Variants in ADAM12 observed in about 807,000 individuals in gnomAD.
ADAM12 encodes the protein disintegrin and metalloproteinase domain-containing protein 12.
A neutral mutation model predicts 106.4 loss-of-function variants in ADAM12; 70 were observed. The ratio of observed to expected loss-of-function variants is 0.66; its 90% CI spans 0.54 to 0.80. The LOEUF (loss-of-function observed/expected upper bound fraction) is 0.80. Among genes scored for constraint, ADAM12 ranks in the 30% least tolerant of loss-of-function variants. The pLI is 0.00. For synonymous variants in ADAM12, 420 were observed against 433.5 expected (o/e 0.97, Z 0.39); for missense variants, 1,010 against 1,171.9 (o/e 0.86, Z 2.02).
intron 1 of ADAM12, among the ~76,000 whole-genome samples, chr10:126,356,668 T>C (rs1313299839): frequency 6.6e-6 from 1 of 152,180 alleles, no homozygotes; most frequent in Non-Finnish European, 1.5e-5. Context: ...TATAAAGTGA[T>C]AAAGAATTCA....
intron 18 of ADAM12, 25 bp from the exon 19 acceptor site, chr10:126,039,454 C>T: frequency 6.2e-7 from 1 of 1,613,396 alleles, no homozygotes; most frequent in African/African-American, 1.3e-5. Flanking sequence ...ATGGGGCTCA[C>T]AGAAGGAGGC....
intron 5 of ADAM12, among the ~76,000 whole-genome samples, chr10:126,118,700 C>T (rs1956032499): frequency 6.6e-6 from 1 of 152,172 alleles, no homozygotes; most frequent in African/African-American, 2.4e-5. Flanking sequence ...GATTTTAGTG[C>T]ACCTGTCATC....
At chr10:126,079,879 G>A (rs7095672) in intron 11 of ADAM12, among the ~76,000 whole-genome samples, 17,330 of 152,204 alleles carry the variant, frequency 0.11, 1,207 homozygotes, top group African/African-American at 0.18. Flanking sequence ...CAGTGCGATC[G>A]TTGATAAGAC....
intron 11 of ADAM12, 102 bp from the exon 12 acceptor site, chr10:126,071,756 G>T: frequency 1.6e-6 from 2 of 1,237,390 alleles, no homozygotes; most frequent in Non-Finnish European, 2.3e-6. Flanking sequence ...CATCTGCCCA[G>T]GTGTTCACTG....
intron 3 of ADAM12, among the ~76,000 whole-genome samples, chr10:126,256,893 G>A (rs901308242): frequency 7.1e-5 from 10 of 140,962 alleles, no homozygotes; most frequent in Non-Finnish European, 1.4e-4. Flanking sequence ...TACTGTTCCT[G>A]CACCTTTGGA....
chr10:126,291,889 T>G (rs1274240898), intron 2 of ADAM12, among the ~76,000 whole-genome samples: 1 of 152,146 alleles, frequency 6.6e-6, no homozygotes, highest in South Asian at 2.1e-4. Flanking sequence ...GCAACCTTTA[T>G]GGGTATAACT....
At chr10:126,140,956 T>TAGTGGCCAGC (rs1003949759) in intron 4 of ADAM12, among the ~76,000 whole-genome samples, 2 of 152,218 alleles carry the variant, frequency 1.3e-5, no homozygotes, top group Admixed American at 1.3e-4. Flanking sequence ...ACATCACCGC[T>TAGTGGCCAGC]AGTGGCCAGC....
intron 3 of ADAM12, among the ~76,000 whole-genome samples, chr10:126,246,999 A>G (rs961392891): frequency 6.6e-6 from 1 of 152,254 alleles, no homozygotes; most frequent in African/African-American, 2.4e-5. Context: ...CCATAGTTTC[A>G]GCCCAAAAGT....
chr10:126,068,140 GA>G (rs1482836541), intron 12 of ADAM12, among the ~76,000 whole-genome samples: 1 of 152,140 alleles, frequency 6.6e-6, no homozygotes, highest in Non-Finnish European at 1.5e-5. Flanking sequence ...TAACTTTTAT[GA>G]CAGTAAGGGT....
rs115990635 is a variant in ADAM12 at position 126,204,375 on chromosome 10, G to T, written c.261-49070C>A. Among the ~76,000 whole-genome samples, 1,048 of 152,320 alleles carry T rather than the reference G, an allele frequency of 6.9e-3. 15 individuals are homozygous for T. The highest frequency in any genetic ancestry group is 0.024 in the African/African-American group (1,014 of 41,562). ...GAGAAAGCCCAGAGAATTGCAGAAAGGCTGGCCCAGGATGCAGGTGCTGTC... is the reference window on the plus strand; with the variant it reads ...GAGAAAGCCCAGAGAATTGCAGAAATGCTGGCCCAGGATGCAGGTGCTGTC... On this transcript the variant is annotated intron_variant, in intron 3 of 22. Transcript: ENST00000448723.
intron 5 of ADAM12, among the ~76,000 whole-genome samples, chr10:126,131,298 G>A (rs1324781104): frequency 6.6e-6 from 1 of 151,964 alleles, no homozygotes; most frequent in Non-Finnish European, 1.5e-5. Flanking sequence ...TTTCACAGAT[G>A]AGCCAGTGGC....
At chr10:126,367,396 T>C (rs1431440913) in intron 1 of ADAM12, among the ~76,000 whole-genome samples, 2 of 151,846 alleles carry the variant, frequency 1.3e-5, no homozygotes, top group South Asian at 4.1e-4. Flanking sequence ...CTATACAAAT[T>C]TGTAATATTC....
chr10:126,168,023 C>A (rs552278567), intron 3 of ADAM12, among the ~76,000 whole-genome samples: 2 of 152,308 alleles, frequency 1.3e-5, no homozygotes, highest in Admixed American at 6.5e-5. Flanking sequence ...GGAAAGCATA[C>A]CTTTCTCCCT....
chr10:126,336,926 C>T (rs1014054206), intron 1 of ADAM12, among the ~76,000 whole-genome samples: 8 of 152,210 alleles, frequency 5.3e-5, no homozygotes, highest in African/African-American at 1.9e-4. Context: ...GCATTCCTTG[C>T]TATTCAGATC....
intron 22 of ADAM12, 93 bp from the exon 23 acceptor site, chr10:126,017,432 G>T: frequency 8.1e-7 from 1 of 1,242,082 alleles, no homozygotes; most frequent in Non-Finnish European, 1.1e-6. Context: ...TATTCTGATA[G>T]TCTGAAGGGT....
At chr10:126,169,234 C>T (rs200128676) in intron 3 of ADAM12, among the ~76,000 whole-genome samples, 1 of 152,192 alleles carries the variant, frequency 6.6e-6, no homozygotes, top group East Asian at 1.9e-4. Context: ...CTCTTAGTAA[C>T]CCCCATCCAA....
rs74158229 is a variant in ADAM12 at position 126,341,385 on chromosome 10, C to T, written c.89-10876G>A. Among the ~76,000 whole-genome samples, 962 of 152,288 alleles carry T rather than the reference C, an allele frequency of 6.3e-3. 15 individuals are homozygous for T. The highest frequency in any genetic ancestry group is 0.022 in the African/African-American group (924 of 41,538). ...AACAAATTAAAAATTTCCATGGCCT[C>T]ATTGTGATCATGATGAGACAGGAAT... is the stretch of plus-strand genomic sequence containing the variant. On this transcript the variant is annotated intron_variant, in intron 1 of 22. Transcript: ENST00000448723.
At chr10:126,202,468 G>C (rs942477992) in intron 3 of ADAM12, among the ~76,000 whole-genome samples, 3 of 152,026 alleles carry the variant, frequency 2.0e-5, no homozygotes, top group Non-Finnish European at 4.4e-5. Context: ...TGTAATCCGA[G>C]GGTTTGAAAA....
chr10:126,342,095 T>C (rs903908420), intron 1 of ADAM12, among the ~76,000 whole-genome samples: 4 of 152,232 alleles, frequency 2.6e-5, no homozygotes, highest in African/African-American at 7.2e-5. Context: ...ATTTCCCTTT[T>C]TCCCCACTTG....
Sources: gnomAD v4.1 joint callset for allele counts (sites outside exome capture counted in the v4.1 genomes callset) on GRCh38, gnomAD v4.1.1 for gene constraint, MANE v1.5 for transcripts, NCBI Gene and HGNC (gene_info 2026-07-23, HGNC 2026-07-21) for gene names.